The following FAM90A20 variants were observed in gnomAD, a reference collection of about 807,000 sequenced individuals.
FAM90A20 encodes the protein protein FAM90A20.
the FAM90A20 span, chr8:7,296,528 C>G: frequency 8.0e-6 from 5 of 628,134 alleles, 1 homozygote; most frequent in Middle Eastern, 8.4e-4. Flanking sequence ...AGGGCCTCCA[C>G]GATCCTTGCA....
At chr8:7,297,757 C>T in the FAM90A20 span, 26 of 1,475,874 alleles carry the variant, frequency 1.8e-5, 3 homozygotes, top group East Asian at 2.2e-5. Flanking sequence ...CCCAGGCCTG[C>T]ACCATGTCCC....
chr8:7,297,935 G>T, the FAM90A20 span: 3 of 699,034 alleles, frequency 4.3e-6, no homozygotes, highest in Non-Finnish European at 7.3e-6. Context: ...GAAGTCTGAG[G>T]CTCCCTGTGT....
the FAM90A20 span, among the ~76,000 whole-genome samples, chr8:7,295,293 T>A: frequency 2.8e-5 from 1 of 36,264 alleles, no homozygotes; most frequent in East Asian, 6.0e-4. Context: ...GCTTGGGACC[T>A]TCTCCCCGGC....
chr8:7,297,414 G>A, the FAM90A20 span: 8 of 1,550,504 alleles, frequency 5.2e-6, no homozygotes, highest in South Asian at 1.1e-5. Context: ...CAAGACAAAC[G>A]TCCTGCGGTG....
At chr8:7,297,163 C>A in the FAM90A20 span, 2 of 1,533,368 alleles carry the variant, frequency 1.3e-6, no homozygotes, top group Non-Finnish European at 1.8e-6. Flanking sequence ...GCAGGGGCTC[C>A]GTCTTGGCTT....
chr8:7,296,234 C>G, the FAM90A20 span: 35 of 677,062 alleles, frequency 5.2e-5, 1 homozygote, highest in South Asian at 5.1e-4. Context: ...ACGGGGTTCT[C>G]CCTGTCTCCT....
At chr8:7,296,747 G>T in the FAM90A20 span, among the ~76,000 whole-genome samples, 126 of 135,920 alleles carry the variant, frequency 9.3e-4, 45 homozygotes, top group African/African-American at 4.3e-3. Flanking sequence ...CCACCAACCT[G>T]CCTTCGGAAA....
the FAM90A20 span, chr8:7,295,883 A>G: frequency 1.6e-6 from 1 of 644,278 alleles, no homozygotes. Flanking sequence ...TCCTAAGGAC[A>G]TGGTGTCTCT....
chr8:7,297,369 C>T, the FAM90A20 span: 1 of 1,483,556 alleles, frequency 6.7e-7, no homozygotes, highest in Non-Finnish European at 9.2e-7. Flanking sequence ...GCCTCCAAAA[C>T]CCACGGCCTG....
chr8:7,296,154 G>C, the FAM90A20 span: 1 of 614,116 alleles, frequency 1.6e-6, no homozygotes, highest in Non-Finnish European at 2.9e-6. Context: ...GTGAGGGAAG[G>C]TGCAGAGGCG....
the FAM90A20 span, among the ~76,000 whole-genome samples, chr8:7,296,135 G>A: frequency 2.3e-5 from 3 of 131,360 alleles, no homozygotes; most frequent in Non-Finnish European, 1.5e-5. Context: ...AGGATGGGAA[G>A]GTTGGCACGT....
chr8:7,296,517 C>A, the FAM90A20 span: 12 of 638,208 alleles, frequency 1.9e-5, 1 homozygote, highest in East Asian at 3.6e-4. Flanking sequence ...TTCTTGGGGT[C>A]AGGGCCTCCA....
At chr8:7,295,509 C>T in the FAM90A20 span, 2 of 548,290 alleles carry the variant, frequency 3.6e-6, no homozygotes, top group South Asian at 3.8e-5. Flanking sequence ...GGCCCCCATG[C>T]CGGTGTCCCC....
the FAM90A20 span, chr8:7,297,642 C>A: frequency 2.1e-6 from 3 of 1,407,892 alleles, no homozygotes; most frequent in Non-Finnish European, 2.9e-6. Context: ...CCAGCCGCAA[C>A]CGAACTTGGA....
chr8:7,297,653 C>G, the FAM90A20 span: 3 of 1,394,614 alleles, frequency 2.2e-6, no homozygotes, highest in Non-Finnish European at 2.9e-6. Context: ...CGAACTTGGA[C>G]CAAGTAGGTC....
chr8:7,295,527 A>G, the FAM90A20 span: 8 of 592,882 alleles, frequency 1.3e-5, 1 homozygote, highest in East Asian at 2.5e-4. Flanking sequence ...CCCTCTTTGG[A>G]ATCCTTATTC....
chr8:7,295,517 C>T, the FAM90A20 span: 1 of 572,842 alleles, frequency 1.7e-6, no homozygotes, highest in South Asian at 1.8e-5. Flanking sequence ...TGCCGGTGTC[C>T]CCTCTTTGGA....
the FAM90A20 span, chr8:7,296,500 T>C: frequency 3.1e-6 from 2 of 647,222 alleles, no homozygotes; most frequent in Non-Finnish European, 2.8e-6. Context: ...AACCCCTCTT[T>C]CTTGTCTTCT....
the FAM90A20 span, chr8:7,297,476 A>C: frequency 1.9e-6 from 3 of 1,541,900 alleles, 1 homozygote; most frequent in Non-Finnish European, 2.6e-6. Context: ...CCTAGGCTCC[A>C]ATCTCAGCTT....
Sources: gnomAD v4.1 joint callset for allele counts (sites outside exome capture counted in the v4.1 genomes callset) on GRCh38, gnomAD v4.1.1 for gene constraint, MANE v1.5 for transcripts, NCBI Gene and HGNC (gene_info 2026-07-23, HGNC 2026-07-21) for gene names.